CASQ2: variants seen among roughly 807,000 people sequenced by gnomAD.
CASQ2 encodes calsequestrin-2.
Under a neutral mutation model 46.5 loss-of-function variants are expected in CASQ2, and 49 were observed. The ratio of observed to expected loss-of-function variants is 1.05; its 90% confidence interval spans 0.84 to 1.34. The LOEUF (loss-of-function observed/expected upper bound fraction) is 1.34. CASQ2 is among the 40% of genes most tolerant of loss of function. The pLI, the probability that CASQ2 is intolerant of heterozygous loss-of-function variation, is 0.00. For synonymous variants in CASQ2, 174 were observed against 168.5 expected (o/e 1.03, Z -0.25); for missense variants, 486 against 481.3 (o/e 1.01, Z -0.09).
intron 7 of CASQ2, among the ~76,000 whole-genome samples, chr1:115,719,510 C>T (rs1178785837): frequency 2.0e-5 from 3 of 152,206 alleles, no homozygotes; most frequent in African/African-American, 4.8e-5. Context: ...TAGAAGGCTG[C>T]TCATAATACG....
At chr1:115,711,593 A>T (rs12734457) in intron 8 of CASQ2, among the ~76,000 whole-genome samples, 84,979 of 147,186 alleles carry the variant, frequency 0.58, 24,798 homozygotes, top group East Asian at 0.67. Context: ...TCATTTTAAG[A>T]TTTTTTTTTT....
intron 4 of CASQ2, among the ~76,000 whole-genome samples, chr1:115,734,813 T>G (rs1400093163): frequency 6.6e-6 from 1 of 152,196 alleles, no homozygotes; most frequent in Non-Finnish European, 1.5e-5. Context: ...TAACTGGGTG[T>G]GGTTGATGGC....
At chr1:115,752,370 A>G (rs1648611756) in intron 1 of CASQ2, among the ~76,000 whole-genome samples, 1 of 152,200 alleles carries the variant, frequency 6.6e-6, no homozygotes, top group South Asian at 2.1e-4. Flanking sequence ...CTCCCATGCT[A>G]TCTCCAGCAC....
chr1:115,764,601 G>A (rs1375339152), intron 1 of CASQ2, among the ~76,000 whole-genome samples: 2 of 152,200 alleles, frequency 1.3e-5, no homozygotes, highest in Non-Finnish European at 2.9e-5. Flanking sequence ...GGGGTTCAGA[G>A]CAACCTAGAT....
rs537384136 is a variant in CASQ2 at position 115,717,264 on chromosome 1, A to T, written c.838+576T>A. ...TTCATAGCAATGTGAGAATGGACTA[A>T]TACAATAAGATTTCCATTTGAGTTT... On this transcript the variant is annotated intron_variant, in intron 8 of 10. Transcript: ENST00000261448. 7.2e-5 allele frequency among the ~76,000 whole-genome samples: 11 copies of T among 152,336 alleles called. No individual in the cohort carries two copies. In the East Asian group the frequency reaches 2.1e-3, roughly 29 times the overall value.
chr1:115,753,637 C>T (rs568716973), intron 1 of CASQ2, among the ~76,000 whole-genome samples: 3 of 152,304 alleles, frequency 2.0e-5, no homozygotes, highest in Non-Finnish European at 2.9e-5. Flanking sequence ...GCTCCCAGGG[C>T]AGCACATCCA....
At chr1:115,748,916 G>T (rs1167474234) in intron 1 of CASQ2, among the ~76,000 whole-genome samples, 2 of 152,154 alleles carry the variant, frequency 1.3e-5, no homozygotes, top group Admixed American at 6.5e-5. Flanking sequence ...ATCACCCAGG[G>T]ACTAAAGTGG....
In CASQ2 at chr1:115,700,999, A is replaced by C. The variant is rs1570791497; in HGVS notation, c.*242T>G. The C allele has an allele frequency of 3.1e-6, 2 of 636,308 alleles. No homozygotes were observed. The allele number at this position is 636,308 out of a possible 1,614,324, so 39.4% of individuals were successfully genotyped here. On this transcript the variant is annotated 3_prime_UTR_variant, in exon 11 of 11. Coordinates refer to ENST00000261448, the MANE Select transcript of CASQ2 (RefSeq NM_001232.4). ...AGCAAAGAACAAGATCTGTTCCGTG[A>C]CAGTCAAGACAGTCAACATGGGAAT...
intron 4 of CASQ2, among the ~76,000 whole-genome samples, chr1:115,736,848 G>A (rs1647981630): frequency 6.6e-6 from 1 of 152,082 alleles, no homozygotes; most frequent in African/African-American, 2.4e-5. Flanking sequence ...TCACCTCACA[G>A]GCTTGTTGTG....
At chr1:115,734,703 C>G (rs1647898688) in intron 4 of CASQ2, among the ~76,000 whole-genome samples, 1 of 152,092 alleles carries the variant, frequency 6.6e-6, no homozygotes, top group Non-Finnish European at 1.5e-5. Context: ...CATTGAGTTC[C>G]CAGCCTCCAG....
chr1:115,759,781 C>G (rs772522840), intron 1 of CASQ2, among the ~76,000 whole-genome samples: 13 of 152,158 alleles, frequency 8.5e-5, no homozygotes, highest in Non-Finnish European at 1.6e-4. Context: ...ATCTTAATAT[C>G]CCACTTCCAT....
chr1:115,725,546 G>A lies in CASQ2; in HGVS notation c.745C>T (p.Leu249=). The change falls in exon 7 of 11, where the codon CTA becomes TTA. Residue 249 remains leucine, a synonymous_variant. Transcript: ENST00000261448. ...EFVKEHQRPT[L]RRLRPEEMFE... is the part of the protein sequence containing the mutation. ...ATTTCTTCTGGGCGCAGGCGACGTAGAGTGGGTCTGGAAAAAAAAAAAAAA... is the reference window on the plus strand; with the variant it reads ...ATTTCTTCTGGGCGCAGGCGACGTAAAGTGGGTCTGGAAAAAAAAAAAAAA... 8.2e-7 allele frequency: 1 copy of A among 1,212,216 alleles called. No homozygotes were observed. Among genetic ancestry groups the A allele is most frequent in the Non-Finnish European group, 1.2e-6 (1 of 846,394 alleles). 75.1% of individuals were successfully genotyped at this position (1,212,216 alleles called of 1,614,324 possible).
At chr1:115,761,816 C>T (rs1043628647) in intron 1 of CASQ2, among the ~76,000 whole-genome samples, 12 of 151,608 alleles carry the variant, frequency 7.9e-5, no homozygotes, top group African/African-American at 2.0e-4. Flanking sequence ...CATCCCTCTC[C>T]GCTACAGGGC....
intron 1 of CASQ2, among the ~76,000 whole-genome samples, chr1:115,753,368 C>T (rs1194375564): frequency 6.6e-6 from 1 of 152,100 alleles, no homozygotes; most frequent in Non-Finnish European, 1.5e-5. Flanking sequence ...GGTGTAGTGA[C>T]TCCAGAGTCA....
chr1:115,768,061 A>C (rs143214943), intron 1 of CASQ2, among the ~76,000 whole-genome samples: 1 of 152,080 alleles, frequency 6.6e-6, no homozygotes, highest in African/African-American at 2.4e-5. Flanking sequence ...GGCCATAAAG[A>C]CTTTACATCA....
chr1:115,713,383 A>G (rs3010388), intron 8 of CASQ2, among the ~76,000 whole-genome samples: 89,554 of 152,016 alleles, frequency 0.59, 26,895 homozygotes, highest in African/African-American at 0.7. Flanking sequence ...AGGCCTGCCT[A>G]AGGGCATGGG....
Position 115,738,333 on chromosome 1 carries a change from T to G in CASQ2, c.423A>C (p.Leu141=). The G allele has an allele frequency of 6.3e-7, 1 of 1,588,626 alleles. No individual in the cohort carries two copies. The highest frequency in any genetic ancestry group is 8.6e-7 in the Non-Finnish European group (1 of 1,156,656). ...ADVLVEFLLD[L]IEDPVEIISS... is the part of the protein sequence containing the mutation. The stretch of plus-strand genomic sequence containing the variant: ...TGATGATCTCCACTGGGTCTTCAAT[T>G]AGCTGAAATGCCACACGCACATACA... Residue 141 remains leucine (L), a splice_region_variant and synonymous_variant, in exon 4 of 11, where the codon CTA becomes CTC. Transcript: ENST00000261448.
intron 1 of CASQ2, among the ~76,000 whole-genome samples, chr1:115,754,107 C>T (rs560671656): frequency 4.6e-5 from 7 of 152,260 alleles, no homozygotes; most frequent in South Asian, 2.1e-4. Flanking sequence ...ACCAGAGAGC[C>T]GACGTTTCTC....
Position 115,711,489 on chromosome 1 carries a change from G to T in CASQ2, c.839-6197C>A, listed in dbSNP as rs563688697. Among the ~76,000 whole-genome samples, 5 of 152,208 alleles carry T rather than the reference G, an allele frequency of 3.3e-5. No homozygotes were observed. The South Asian group carries it at 1.0e-3, about 32-fold the overall frequency. On this transcript the variant is annotated intron_variant, in intron 8 of 10. Transcript: ENST00000261448. ...ACGAGATGCTATCAGCATGTGGGTT[G>T]GGCAAAGTGTGTAGGGAGACACATG...
Sources: gnomAD v4.1 joint callset for allele counts (sites outside exome capture counted in the v4.1 genomes callset) on GRCh38, gnomAD v4.1.1 for gene constraint, MANE v1.5 for transcripts, NCBI Gene and HGNC (gene_info 2026-07-23, HGNC 2026-07-21) for gene names.